LARP4B: variants seen among roughly 807,000 people sequenced by gnomAD.
LARP4B encodes la-related protein 4B.
Under a neutral mutation model 89.8 loss-of-function variants are expected in LARP4B, and 12 were observed. The observed-to-expected ratio is 0.13, with a 90% confidence interval of 0.09 to 0.22. The LOEUF is 0.22. LARP4B is among the 10% of genes least tolerant of loss of function. The pLI is 1.00. For synonymous variants in LARP4B, 367 were observed against 363.3 expected (o/e 1.01, Z -0.12); for missense variants, 757 against 947.7 (o/e 0.80, Z 2.64).
chr10:867,873 A>AC (rs1834994166), intron 3 of LARP4B, among the ~76,000 whole-genome samples: 1 of 150,944 alleles, frequency 6.6e-6, no homozygotes, highest in South Asian at 2.1e-4. Context: ...AAAAAAAAAA[A>AC]AAAAAAAAAA....
rs114601152 is a variant in LARP4B at position 825,726 on chromosome 10, G to A, written c.1232+38C>T. On this transcript the variant is annotated intron_variant, in intron 12 of 17. Transcript: ENST00000316157. ...ATCCCAACTCCGGAAGGGCAGTAGC[G>A]TAAAGACCAAAACTGCTAAGACCGC... The A allele has an allele frequency of 5.7e-4, 810 of 1,420,790 alleles. 2 individuals are homozygous for A. In the African/African-American group the frequency reaches 9.4e-3, roughly 17 times the overall value. The allele number at this position is 1,420,790 out of a possible 1,614,324, so 88.0% of individuals were successfully genotyped here.
chr10:962,157 G>A, the LARP4B span, among the ~76,000 whole-genome samples: 7 of 152,038 alleles, frequency 4.6e-5, no homozygotes, highest in African/African-American at 7.3e-5. Context: ...TTAGCCAGGT[G>A]TGGTAGCTCA....
At chr10:947,988 C>T in the LARP4B span, among the ~76,000 whole-genome samples, 1 of 152,082 alleles carries the variant, frequency 6.6e-6, no homozygotes, top group African/African-American at 2.4e-5. Context: ...GCTGAAACTG[C>T]TGGCAGTGTG....
chr10:984,144 G>A, the LARP4B span, among the ~76,000 whole-genome samples: 126 of 152,252 alleles, frequency 8.3e-4, no homozygotes, highest in South Asian at 7.3e-3. Flanking sequence ...TTTTTAACCT[G>A]AGGGTCAGAC....
chr10:832,265 G>C (rs1274957181), intron 8 of LARP4B, among the ~76,000 whole-genome samples: 8 of 151,674 alleles, frequency 5.3e-5, no homozygotes, highest in African/African-American at 1.7e-4. Flanking sequence ...GGATGGTCTC[G>C]ATCTCCTGAC....
chr10:858,535 TAAAC>T (rs1021396084), intron 5 of LARP4B, among the ~76,000 whole-genome samples: 6 of 152,032 alleles, frequency 3.9e-5, no homozygotes, highest in East Asian at 1.9e-4. Context: ...CAACAAAAAA[TAAAC>T]AAACTGAACA....
intron 1 of LARP4B, among the ~76,000 whole-genome samples, chr10:895,672 CAAAAA>C (rs1312520352): frequency 1.6e-5 from 1 of 64,142 alleles, no homozygotes; most frequent in Non-Finnish European, 3.1e-5. Context: ...GAGTCCATCT[CAAAAA>C]AAAAAAAAAA....
upstream of LARP4B, among the ~76,000 whole-genome samples, chr10:934,599 A>G (rs1830724603): frequency 6.6e-6 from 1 of 151,918 alleles, no homozygotes; most frequent in African/African-American, 2.4e-5. Context: ...TTCCCTCATG[A>G]TCTTCTTTTT....
the LARP4B span, among the ~76,000 whole-genome samples, chr10:973,817 TC>T: frequency 6.6e-6 from 1 of 152,300 alleles, no homozygotes; most frequent in East Asian, 1.9e-4. Context: ...TAACATGTTA[TC>T]TTCCACCATC....
chr10:909,064 G>A (rs1042610495), intron 1 of LARP4B, among the ~76,000 whole-genome samples: 1 of 152,150 alleles, frequency 6.6e-6, no homozygotes, highest in Non-Finnish European at 1.5e-5. Context: ...GGAGGCTGAG[G>A]CGGGCAGATC....
chr10:967,917 G>C, the LARP4B span, among the ~76,000 whole-genome samples: 2 of 152,140 alleles, frequency 1.3e-5, no homozygotes, highest in Non-Finnish European at 2.9e-5. Flanking sequence ...GGCCAGGCTG[G>C]TCTCGAACTC....
At chr10:931,021 G>C (rs1308695612) in intron 1 of LARP4B, among the ~76,000 whole-genome samples, 1 of 127,318 alleles carries the variant, frequency 7.9e-6, no homozygotes, top group Admixed American at 8.2e-5. Flanking sequence ...GCCCAACCCC[G>C]GCCTCCCGAC....
chr10:835,890 G>A (rs372109497), intron 8 of LARP4B, among the ~76,000 whole-genome samples: 20 of 150,262 alleles, frequency 1.3e-4, no homozygotes, highest in Middle Eastern at 6.9e-3. Flanking sequence ...CCGAGGTTGC[G>A]CCACTGCACT....
chr10:964,072 T>A, the LARP4B span, among the ~76,000 whole-genome samples: 4 of 152,184 alleles, frequency 2.6e-5, no homozygotes, highest in African/African-American at 4.8e-5. Context: ...CAAATCTTTT[T>A]ATTTATATTT....
At chr10:976,795 A>G in the LARP4B span, among the ~76,000 whole-genome samples, 8 of 142,364 alleles carry the variant, frequency 5.6e-5, no homozygotes, top group South Asian at 2.3e-4. Flanking sequence ...TAGGCCTGTC[A>G]TGTAATGTGT....
chr10:981,146 G>C, the LARP4B span, among the ~76,000 whole-genome samples: 1 of 152,186 alleles, frequency 6.6e-6, no homozygotes, highest in African/African-American at 2.4e-5. Flanking sequence ...CATAACAAGG[G>C]TGACTTTTGA....
chr10:836,355 G>T, intron 8 of LARP4B, 48 bp downstream of exon 8: 1 of 1,297,398 alleles, frequency 7.7e-7, no homozygotes, highest in Non-Finnish European at 1.1e-6. Flanking sequence ...AACCAACAAA[G>T]ACCTTTGGGA....
chr10:897,919 C>T (rs553266836), intron 1 of LARP4B, among the ~76,000 whole-genome samples: 1 of 129,734 alleles, frequency 7.7e-6, no homozygotes, highest in African/African-American at 2.9e-5. Context: ...ACCTGGGAGG[C>T]GGAGGTTGCA....
At chr10:977,648 T>C in the LARP4B span, among the ~76,000 whole-genome samples, 1 of 152,236 alleles carries the variant, frequency 6.6e-6, no homozygotes. Flanking sequence ...GTTCTTTTTC[T>C]TGTTATTATT....
Sources: gnomAD v4.1 joint callset for allele counts (sites outside exome capture counted in the v4.1 genomes callset) on GRCh38, gnomAD v4.1.1 for gene constraint, MANE v1.5 for transcripts, NCBI Gene and HGNC (gene_info 2026-07-23, HGNC 2026-07-21) for gene names.